The following USP50 variants were observed in gnomAD, a reference collection of about 807,000 sequenced individuals.
The protein encoded by USP50 is ubiquitin specific peptidase 50.
Under a neutral mutation model 39.2 loss-of-function variants are expected in USP50, and 37 were observed. The ratio of observed to expected loss-of-function variants is 0.94; its 90% CI spans 0.73 to 1.24. The LOEUF is 1.24. Ranked by LOEUF, USP50 falls within the 50% of genes most tolerant of loss-of-function variation. USP50 has a pLI of 0.00. For synonymous variants in USP50, 139 were observed against 144.5 expected, an observed-to-expected ratio of 0.96 and a Z score of 0.27; for missense variants, 374 against 398.2, an observed-to-expected ratio of 0.94 and a Z score of 0.52.
chr15:50,529,342 T>C (rs1009788652), intron 6 of USP50, among the ~76,000 whole-genome samples: 15 of 145,340 alleles, frequency 1.0e-4, no homozygotes, highest in Non-Finnish European at 2.1e-4. Flanking sequence ...AAACCTCATC[T>C]CTACTTTAAA....
chr15:50,495,760 T>C (rs72738980), downstream of USP50: 36,130 of 1,054,062 alleles, frequency 0.034, 1,046 homozygotes, highest in African/African-American at 0.13. Context: ...TTTCTAAATC[T>C]GGCAAGTGTT....
At chr15:50,512,937 T>G (rs2052756360) in intron 6 of USP50, 1 of 152,148 alleles carries the variant, frequency 6.6e-6, no homozygotes, top group Non-Finnish European at 1.5e-5. Flanking sequence ...AACAAAAAAG[T>G]TATTTCTAAC....
At chr15:50,526,290 GC>G (rs2141368208) in intron 6 of USP50, among the ~76,000 whole-genome samples, 1 of 152,196 alleles carries the variant, frequency 6.6e-6, no homozygotes, top group East Asian at 1.9e-4. Flanking sequence ...CAACTCTTGA[GC>G]TCAAGCAATC....
At chr15:50,528,253 C>T (rs74696921) in intron 6 of USP50, among the ~76,000 whole-genome samples, 1 of 150,400 alleles carries the variant, frequency 6.6e-6, no homozygotes, top group East Asian at 2.0e-4. Context: ...TTTATATAAA[C>T]ATATATTTCC....
chr15:50,534,202 T>C (rs2052962944), intron 5 of USP50, among the ~76,000 whole-genome samples: 1 of 152,224 alleles, frequency 6.6e-6, no homozygotes, highest in Admixed American at 6.5e-5. Context: ...GCATATATCA[T>C]ATATATTCTT....
Position 50,546,512 on chromosome 15 carries a change from G to A in USP50, c.14C>T (p.Pro5Leu), listed in dbSNP as rs370410170. MTSQ[P>L]SLPADDFDIY... ...ATCGAAGTCATCTGCAGGGAGAGAC[G>A]GCTGAGAAGTCATTTTAATGGAACC... is the stretch of plus-strand genomic sequence containing the variant. The change falls in exon 1 of 7, where the codon CCG becomes CTG. Residue 5 changes from proline (P) to leucine (L), a missense_variant. Transcript: ENST00000532404. The A allele has an allele frequency of 6.2e-7, 1 of 1,613,528 alleles. No individual in the cohort carries two copies. The highest frequency in any genetic ancestry group is 1.3e-5 in the African/African-American group (1 of 74,904).
intron 6 of USP50, among the ~76,000 whole-genome samples, chr15:50,525,586 G>GTA (rs1555395199): frequency 4.0e-5 from 5 of 126,142 alleles, no homozygotes; most frequent in Admixed American, 9.3e-5. Context: ...ATGTATATAT[G>GTA]TATATGTATA....
Position 50,543,721 on chromosome 15 carries a change from G to T in USP50, c.321C>A (p.Val107=). ...GAGCTGACCAGAATATTTCTGGTGA[G>T]ACACAGTCTGAGTCTCCCAGCCACA... The part of the protein sequence containing the change: ...TDMWLGDSDC[V]SPEIFWSALG... Residue 107 remains valine, a synonymous_variant, in exon 3 of 7, where the codon GTC becomes GTA. Coordinates refer to ENST00000532404, the MANE Select transcript of USP50 (RefSeq NM_203494.5). The T allele has an allele frequency of 6.2e-7, 1 of 1,611,252 alleles. No homozygotes were observed.
intron 1 of USP50, chr15:50,494,297 T>C (rs754709566): frequency 1.3e-6 from 2 of 1,584,560 alleles, no homozygotes; most frequent in Non-Finnish European, 1.7e-6. Context: ...AATTTGATTT[T>C]TCTAAGTTGC....
intron 6 of USP50, among the ~76,000 whole-genome samples, chr15:50,521,645 G>C (rs1296170772): frequency 3.3e-5 from 5 of 152,052 alleles, no homozygotes; most frequent in African/African-American, 1.2e-4. Context: ...CTATTAGCTA[G>C]ACTAAGAAAA....
chr15:50,540,984 G>T, intron 4 of USP50, 65 bp downstream of exon 4: 1 of 1,265,178 alleles, frequency 7.9e-7, no homozygotes, highest in Non-Finnish European at 1.1e-6. Context: ...GTAGGAAACA[G>T]CCCCGAGAAA....
rs373248781 is a variant in USP50 at position 50,541,001 on chromosome 15, G to C, written c.660+48C>G. ...AGGAAACAGCCCCGAGAAAATCCGG[G>C]GCTGAGAGTATAGCGAGACAAAGTG... On this transcript the variant is annotated intron_variant, in intron 4 of 6. Coordinates refer to ENST00000532404, the MANE Select transcript of USP50 (RefSeq NM_203494.5). 35 of 1,442,926 alleles carry C rather than the reference G, an allele frequency of 2.4e-5. No homozygotes were observed. The African/African-American group carries it at 3.9e-4, about 16-fold the overall frequency. 89.4% of individuals were successfully genotyped at this position (1,442,926 alleles called of 1,614,324 possible).
chr15:50,538,273 CAAAAAAAAAA>C (rs766139797), intron 5 of USP50, among the ~76,000 whole-genome samples: 1,582 of 17,294 alleles, frequency 0.091, 39 homozygotes, highest in African/African-American at 0.19. Flanking sequence ...GAGACTGTCT[CAAAAAAAAAA>C]AAAAAAAAAA....
At chr15:50,507,727 A>T (rs1046278301) in intron 6 of USP50, 1 of 152,152 alleles carries the variant, frequency 6.6e-6, no homozygotes, top group Non-Finnish European at 1.5e-5. Context: ...ATATACTTAG[A>T]TGAGTATCTG....
chr15:50,524,433 A>G (rs2052872659), intron 6 of USP50, among the ~76,000 whole-genome samples: 1 of 152,254 alleles, frequency 6.6e-6, no homozygotes, highest in Admixed American at 6.5e-5. Context: ...AAGAAAACAA[A>G]TAAGCTGATT....
At chr15:50,508,469 AG>A (rs1397647260) in intron 6 of USP50, 2 of 152,218 alleles carry the variant, frequency 1.3e-5, no homozygotes, top group South Asian at 2.1e-4. Flanking sequence ...TAATAAAAAA[AG>A]GCAGAGAAAG....
At chr15:50,519,146 G>A (rs1440539647) in intron 6 of USP50, among the ~76,000 whole-genome samples, 1 of 152,082 alleles carries the variant, frequency 6.6e-6, no homozygotes, top group Non-Finnish European at 1.5e-5. Context: ...ACGTAGCCAA[G>A]CATGGTGGCA....
chr15:50,518,600 A>G (rs1395703435), intron 6 of USP50, among the ~76,000 whole-genome samples: 1 of 151,730 alleles, frequency 6.6e-6, no homozygotes, highest in Non-Finnish European at 1.5e-5. Flanking sequence ...CTGGATATCC[A>G]TATGCAGAAG....
At chr15:50,523,304 G>C (rs1263453181) in intron 6 of USP50, among the ~76,000 whole-genome samples, 2 of 149,852 alleles carry the variant, frequency 1.3e-5, no homozygotes, top group Non-Finnish European at 3.0e-5. Flanking sequence ...TCAGCCTCTG[G>C]AGTAGCAGGT....
Sources: gnomAD v4.1 joint callset for allele counts (sites outside exome capture counted in the v4.1 genomes callset) on GRCh38, gnomAD v4.1.1 for gene constraint, MANE v1.5 for transcripts, NCBI Gene and HGNC (gene_info 2026-07-23, HGNC 2026-07-21) for gene names.